PLCH1: variants seen among roughly 807,000 people sequenced by gnomAD.
PLCH1 encodes the protein phospholipase C eta 1, also known as 1-phosphatidylinositol 4,5-bisphosphate phosphodiesterase eta-1.
A neutral mutation model predicts 126.7 loss-of-function variants in PLCH1; 60 were observed. The observed-to-expected ratio is 0.47, with a 90% CI of 0.38 to 0.59. The LOEUF (loss-of-function observed/expected upper bound fraction) is 0.59, where lower values mean the gene tolerates loss of function less well. PLCH1 is among the 20% of genes least tolerant of loss of function. PLCH1 has a pLI of 0.00. For synonymous variants in PLCH1, 719 were observed against 734.9 expected, an observed-to-expected ratio of 0.98 and a Z score of 0.35; for missense variants, 1,723 against 2,040.0, an observed-to-expected ratio of 0.84 and a Z score of 2.99.
chr3:155,695,516 A>T lies in PLCH1; in HGVS notation c.79+8630T>A, dbSNP rs919205589. Among the ~76,000 whole-genome samples the T allele has an allele frequency of 2.0e-5, 3 of 152,378 alleles. No homozygotes were observed. In the South Asian group the frequency reaches 6.2e-4, roughly 32 times the overall value. ...TAGTGAAACCGCTCTTATCTCCCCT[A>T]TTAAATAAAATATAGAAATTCATTC... On this transcript the variant is annotated intron_variant, in intron 2 of 22. Coordinates refer to ENST00000460012, the MANE Select transcript of PLCH1 (RefSeq NM_014996.4).
Position 155,488,061 on chromosome 3 carries a change from A to G in PLCH1, c.2586T>C (p.Phe862=), listed in dbSNP as rs899481068. 1.9e-6 allele frequency: 3 copies of G among 1,607,212 alleles called. No individual in the cohort carries two copies. The highest frequency in any genetic ancestry group is 2.6e-6 in the Non-Finnish European group (3 of 1,173,634). The part of the protein sequence containing the change: ...YLEGLTEASI[F]VHITINEIYG... ...AGATTTCATTGATGGTTATGTGTAC[A>G]AATATGGATGCTTCTGTCAGTCCTT... The change falls in exon 21 of 23, where the codon TTT becomes TTC. Residue 862 remains phenylalanine (F), a synonymous_variant. Coordinates refer to ENST00000460012, the MANE Select transcript of PLCH1 (RefSeq NM_014996.4).
intron 1 of PLCH1, among the ~76,000 whole-genome samples, chr3:155,740,531 A>G (rs780502011): frequency 1.3e-5 from 2 of 152,126 alleles, no homozygotes; most frequent in Admixed American, 1.3e-4. Context: ...TAGCAGTTTC[A>G]TATAGTTGGA....
At chr3:155,580,139 T>C (rs553112907) in intron 6 of PLCH1, among the ~76,000 whole-genome samples, 3 of 152,342 alleles carry the variant, frequency 2.0e-5, no homozygotes, top group South Asian at 4.1e-4. Context: ...AAGTGATCCA[T>C]TTAATAACTA....
In PLCH1 at chr3:155,481,237, G is replaced by C. The variant is rs2108000748; in HGVS notation, c.4789C>G (p.Pro1597Ala). The C allele has an allele frequency of 6.2e-7, 1 of 1,614,194 alleles. No homozygotes were observed. The highest frequency in any genetic ancestry group is 2.2e-5 in the East Asian group (1 of 44,864). ...ACTCCTGCCCCATTGCTGGGGTTTG[G>C]AACTTTCTGCTTGTTGGCTTCCTGT... ...EKQEANKQKV[P>A]NPSNGAGVVL... is the part of the protein sequence containing the mutation. The change falls in exon 23 of 23, where the codon CCA becomes GCA. Residue 1597 changes from proline to alanine, a missense_variant. Coordinates refer to ENST00000460012, the MANE Select transcript of PLCH1 (RefSeq NM_014996.4). This position sits in a 1 kb window ranked among gnomAD's most constrained non-coding sequence, Gnocchi z 4.2.
rs117730776 is a variant in PLCH1 at position 155,633,066 on chromosome 3, A to G, written c.80-36688T>C. On this transcript the variant is annotated intron_variant, in intron 2 of 22. Transcript: ENST00000460012. ...GAACTCAAGTTTTTCTCTTTTTACCATGATAAATCCTATTGCAGGGGCTGG... is the reference window on the plus strand; with the variant it reads ...GAACTCAAGTTTTTCTCTTTTTACCGTGATAAATCCTATTGCAGGGGCTGG... Among the ~76,000 whole-genome samples, 34 of 152,114 alleles carry G rather than the reference A, an allele frequency of 2.2e-4. No individual in the cohort carries two copies. In the East Asian group the frequency reaches 5.6e-3, roughly 25 times the overall value.
intron 8 of PLCH1, among the ~76,000 whole-genome samples, chr3:155,561,699 G>A (rs1027024657): frequency 3.3e-5 from 5 of 152,032 alleles, no homozygotes; most frequent in Admixed American, 2.0e-4. Context: ...GATCCCTGAG[G>A]AATCGCCACA....
chr3:155,661,167 A>AAT (rs1742091829), intron 2 of PLCH1, among the ~76,000 whole-genome samples: 1 of 152,196 alleles, frequency 6.6e-6, no homozygotes, highest in Admixed American at 6.5e-5. Flanking sequence ...CTTTTTCAAC[A>AAT]ACTTTGTAGT....
intron 2 of PLCH1, among the ~76,000 whole-genome samples, chr3:155,633,641 C>T (rs1237149945): frequency 6.6e-6 from 1 of 152,120 alleles, no homozygotes; most frequent in Non-Finnish European, 1.5e-5. Context: ...CCATGGTGGG[C>T]CAGGTGCGCT....
At position 155,482,510 on chromosome 3, in the gene PLCH1, A is replaced by C; in HGVS notation, c.3516T>G (p.Leu1172=). 6.2e-7 allele frequency: 1 copy of C among 1,614,210 alleles called. No homozygotes were observed. Among genetic ancestry groups the C allele is most frequent in the Non-Finnish European group, 8.5e-7 (1 of 1,180,036 alleles). Residue 1172 remains leucine (L), a synonymous_variant, in exon 23 of 23, where the codon CTT becomes CTG. Coordinates refer to ENST00000460012, the MANE Select transcript of PLCH1 (RefSeq NM_014996.4). Reference sequence around the variant, plus strand: ...CATTTGTTAAAGTGACATTGTCAATAAGATGGGAAATTACACTCTCCTGCA... The same window carrying C: ...CATTTGTTAAAGTGACATTGTCAATCAGATGGGAAATTACACTCTCCTGCA... ...AILQESVISH[L]IDNVTLTNEN...
At chr3:155,493,997 C>T in intron 17 of PLCH1, 144 bp downstream of exon 17, 1 of 635,594 alleles carries the variant, frequency 1.6e-6, no homozygotes, top group South Asian at 1.9e-5. Flanking sequence ...CATTCAAACA[C>T]CTTAACCTAT....
chr3:155,457,480 C>G (rs1401834405), intron 21 of PLCH1: 1 of 152,144 alleles, frequency 6.6e-6, no homozygotes, highest in African/African-American at 2.4e-5. Flanking sequence ...GGGTAAGGCC[C>G]TAAGCTACCT....
intron 2 of PLCH1, among the ~76,000 whole-genome samples, chr3:155,659,134 A>G (rs1741787873): frequency 6.6e-6 from 1 of 151,942 alleles, no homozygotes; most frequent in Admixed American, 6.6e-5. Context: ...AGCTTCTTTA[A>G]AACACCAAGA....
intron 10 of PLCH1, among the ~76,000 whole-genome samples, chr3:155,544,751 C>G (rs1488734341): frequency 2.0e-5 from 3 of 151,412 alleles, no homozygotes; most frequent in African/African-American, 7.3e-5. Context: ...AACCACTCAA[C>G]TACATGGAAA....
At chr3:155,516,943 T>A (rs73154238) in intron 11 of PLCH1, among the ~76,000 whole-genome samples, 11,664 of 152,078 alleles carry the variant, frequency 0.077, 485 homozygotes, top group South Asian at 0.087. Context: ...TGTCCAGCCT[T>A]GGGGAATCGG....
intron 21 of PLCH1, among the ~76,000 whole-genome samples, chr3:155,462,736 C>T (rs1424133666): frequency 1.3e-5 from 2 of 152,158 alleles, no homozygotes; most frequent in South Asian, 2.1e-4. Context: ...CTCAGCTACT[C>T]GCACAGTGGT....
At chr3:155,536,936 T>A (rs1428745846) in intron 10 of PLCH1, among the ~76,000 whole-genome samples, 1 of 152,012 alleles carries the variant, frequency 6.6e-6, no homozygotes, top group African/African-American at 2.4e-5. Flanking sequence ...AAGCATTAGG[T>A]AGTCTATAAA....
intron 2 of PLCH1, among the ~76,000 whole-genome samples, chr3:155,610,354 T>C (rs1406622215): frequency 1.0e-5 from 1 of 100,318 alleles, no homozygotes; most frequent in Non-Finnish European, 1.8e-5. Flanking sequence ...AGAGCAAAAC[T>C]GCGTCTGGAG....
chr3:155,546,377 G>A (rs988437855), intron 10 of PLCH1, among the ~76,000 whole-genome samples: 2 of 152,044 alleles, frequency 1.3e-5, no homozygotes, highest in African/African-American at 4.8e-5. Flanking sequence ...CACTGCTCAA[G>A]GAAATTAAAG....
At chr3:155,591,520 C>T (rs1052094379) in intron 4 of PLCH1, among the ~76,000 whole-genome samples, 3 of 152,038 alleles carry the variant, frequency 2.0e-5, no homozygotes, top group African/African-American at 4.8e-5. Flanking sequence ...TGTTCTATTG[C>T]CAGACATTAA....
Sources: allele counts gnomAD v4.1 joint callset (sites outside exome capture counted in the v4.1 genomes callset), GRCh38; gene constraint gnomAD v4.1.1; non-coding constraint Gnocchi (gnomAD v3.1); transcripts MANE v1.5; gene names NCBI Gene and HGNC (gene_info 2026-07-23, HGNC 2026-07-21).